The following FAT3 variants were observed in gnomAD, a reference collection of about 807,000 sequenced individuals.
FAT3 encodes FAT atypical cadherin 3.
A neutral mutation model predicts 310.2 loss-of-function variants in FAT3; 95 were observed. The observed-to-expected ratio is 0.31, with a 90% CI of 0.26 to 0.36. The LOEUF (loss-of-function observed/expected upper bound fraction) is 0.36. FAT3 is among the 10% of genes least tolerant of loss of function. FAT3 has a pLI of 1.00. For missense variants in FAT3, 5,408 were observed against 5,715.6 expected (o/e 0.95, Z 1.74); for synonymous variants, 2,314 against 2,192.9 (o/e 1.06, Z -1.54).
chr11:92,530,176 G>A (rs1487446696), intron 3 of FAT3, among the ~76,000 whole-genome samples: 1 of 152,116 alleles, frequency 6.6e-6, no homozygotes, highest in East Asian at 1.9e-4. Context: ...GATAAGAGAG[G>A]GGGTAACAGG....
At chr11:92,332,047 A>G (rs1947936245) in intron 1 of FAT3, among the ~76,000 whole-genome samples, 1 of 152,172 alleles carries the variant, frequency 6.6e-6, no homozygotes, top group African/African-American at 2.4e-5. Flanking sequence ...CTCTTCCATC[A>G]TGGTGCTAAC....
At chr11:92,705,584 G>GA in intron 4 of FAT3, among the ~76,000 whole-genome samples, 2 of 2,536 alleles carry the variant, frequency 7.9e-4, no homozygotes, top group African/African-American at 1.7e-3. Context: ...GGTGATGGTG[G>GA]TGGTGTGATG....
At chr11:92,614,913 AT>A (rs950281730) in intron 3 of FAT3, among the ~76,000 whole-genome samples, 4 of 152,108 alleles carry the variant, frequency 2.6e-5, no homozygotes, top group African/African-American at 7.2e-5. Flanking sequence ...AACTTCATTC[AT>A]TTTTTTATGG....
In FAT3 at chr11:92,799,436, A is replaced by G. The variant is rs1230296751; in HGVS notation, c.6423A>G (p.Leu2141=). 14 of 1,613,638 alleles carry G rather than the reference A, an allele frequency of 8.7e-6. No homozygotes were observed. The highest frequency in any genetic ancestry group is 1.2e-5 in the Non-Finnish European group (14 of 1,179,762). ...EINPNSGNVI[L]KEAFNSDLSN... Reference sequence around the variant, plus strand: ...ACCCTAATTCAGGGAATGTTATTTTAAAGGAAGCATTCAACTCTGACTTGT... The same window carrying G: ...ACCCTAATTCAGGGAATGTTATTTTGAAGGAAGCATTCAACTCTGACTTGT... Residue 2141 remains leucine, a synonymous_variant, in exon 10 of 28, where the codon TTA becomes TTG. Coordinates refer to ENST00000525166, the MANE Select transcript of FAT3 (RefSeq NM_001367949.2).
At chr11:92,323,775 A>G (rs1947690249) in intron 1 of FAT3, among the ~76,000 whole-genome samples, 1 of 152,200 alleles carries the variant, frequency 6.6e-6, no homozygotes. Flanking sequence ...TTCAGCTTAA[A>G]GTCACCAGCT....
chr11:92,843,920 C>G lies in FAT3; in HGVS notation c.10567-14C>G, dbSNP rs753951947. On this transcript the variant is annotated splice_polypyrimidine_tract_variant and intron_variant, in intron 18 of 27. Transcript: ENST00000525166. Reference sequence around the variant, plus strand: ...TTCTTCCTTTGTTGCCTTTTCACCTCTTGGTTGTTTTAGGCAAAGGATTCA... The same window carrying G: ...TTCTTCCTTTGTTGCCTTTTCACCTGTTGGTTGTTTTAGGCAAAGGATTCA... 8.3e-6 allele frequency: 13 copies of G among 1,574,932 alleles called. No homozygotes were observed. The highest frequency in any genetic ancestry group is 2.4e-5 in the South Asian group (2 of 83,748).
At chr11:92,828,745 T>C (rs1437608375) in intron 13 of FAT3, among the ~76,000 whole-genome samples, 1 of 152,186 alleles carries the variant, frequency 6.6e-6, no homozygotes, top group Non-Finnish European at 1.5e-5. Flanking sequence ...ATGTCAGTCC[T>C]GTAAACGCAG....
intron 4 of FAT3, among the ~76,000 whole-genome samples, chr11:92,711,301 A>G (rs1204510208): frequency 2.6e-5 from 4 of 152,164 alleles, no homozygotes. Flanking sequence ...TACATTCAAT[A>G]TGTTACTTTT....
chr11:92,423,906 T>C (rs1426223172), intron 2 of FAT3, among the ~76,000 whole-genome samples: 4 of 152,188 alleles, frequency 2.6e-5, no homozygotes, highest in African/African-American at 7.2e-5. Context: ...CTACTGATTG[T>C]AAATATTAAT....
chr11:92,291,394 A>C (rs1946692367), intron 1 of FAT3, among the ~76,000 whole-genome samples: 1 of 152,134 alleles, frequency 6.6e-6, no homozygotes, highest in Admixed American at 6.6e-5. Context: ...AGACAGGGTA[A>C]GAATGTTATA....
At chr11:92,248,782 T>C (rs917911042) in intron 1 of FAT3, among the ~76,000 whole-genome samples, 7 of 152,232 alleles carry the variant, frequency 4.6e-5, no homozygotes, top group South Asian at 2.1e-4. Context: ...AGGCATATAG[T>C]TTCTGTTAAA....
At chr11:92,599,282 C>G (rs146523272) in intron 3 of FAT3, among the ~76,000 whole-genome samples, 2 of 152,108 alleles carry the variant, frequency 1.3e-5, no homozygotes, top group Admixed American at 6.6e-5. Context: ...GAAGCAAACA[C>G]GTCCTTCTTC....
chr11:92,881,575 T>G (rs1949671289), intron 23 of FAT3, among the ~76,000 whole-genome samples: 1 of 152,244 alleles, frequency 6.6e-6, no homozygotes. Flanking sequence ...TTTTAAATAC[T>G]CTGTGATTCT....
At chr11:92,884,490 C>T (rs1362251260) in intron 24 of FAT3, among the ~76,000 whole-genome samples, 1 of 152,084 alleles carries the variant, frequency 6.6e-6, no homozygotes, top group Non-Finnish European at 1.5e-5. Flanking sequence ...GGCTTTGTAT[C>T]GCAGTAGCAG....
At chr11:92,545,960 C>T (rs1184553373) in intron 3 of FAT3, among the ~76,000 whole-genome samples, 2 of 152,174 alleles carry the variant, frequency 1.3e-5, no homozygotes, top group African/African-American at 2.4e-5. Context: ...ATCCTGGAAA[C>T]ATTCACAGCT....
At chr11:92,515,204 AG>A (rs1417074230) in intron 2 of FAT3, among the ~76,000 whole-genome samples, 1 of 152,142 alleles carries the variant, frequency 6.6e-6, no homozygotes, top group Non-Finnish European at 1.5e-5. Context: ...AGATGGAAGG[AG>A]ACCCCTTTCT....
At chr11:92,527,706 A>G (rs1001449144) in intron 3 of FAT3, among the ~76,000 whole-genome samples, 1 of 152,020 alleles carries the variant, frequency 6.6e-6, no homozygotes, top group Admixed American at 6.5e-5. Context: ...ACTCTCTAAT[A>G]GAAGTCTTAA....
chr11:92,737,574 A>G (rs1945390498), intron 4 of FAT3, among the ~76,000 whole-genome samples: 1 of 152,076 alleles, frequency 6.6e-6, no homozygotes, highest in South Asian at 2.1e-4. Flanking sequence ...ATGTTTATTC[A>G]TAAAGAAACA....
chr11:92,567,487 A>G (rs938884896), intron 3 of FAT3, among the ~76,000 whole-genome samples: 5 of 149,994 alleles, frequency 3.3e-5, no homozygotes, highest in Non-Finnish European at 5.9e-5. Context: ...GCGATTCCTC[A>G]GGGATCTAGA....
Sources: allele counts gnomAD v4.1 joint callset (sites outside exome capture counted in the v4.1 genomes callset), GRCh38; gene constraint gnomAD v4.1.1; transcripts MANE v1.5; gene names NCBI Gene and HGNC (gene_info 2026-07-23, HGNC 2026-07-21).